DHPS: variants seen among roughly 807,000 people sequenced by gnomAD.
DHPS encodes the protein migration-inducing gene 13.
Under a neutral mutation model 38.7 loss-of-function variants are expected in DHPS, and 24 were observed. The ratio of observed to expected loss-of-function variants is 0.62; its 90% CI spans 0.45 to 0.87. The LOEUF (loss-of-function observed/expected upper bound fraction) is 0.87, where lower values mean the gene tolerates loss of function less well. Ranked by LOEUF, DHPS falls within the 40% of genes least tolerant of loss-of-function variation. The pLI is 0.00. For missense variants in DHPS, 510 were observed against 497.6 expected, an observed-to-expected ratio of 1.02 and a Z score of -0.24; for synonymous variants, 250 against 204.4, an observed-to-expected ratio of 1.22 and a Z score of -1.90.
At chr19:12,678,540 C>T (rs932482382) in intron 5 of DHPS, among the ~76,000 whole-genome samples, 8 of 151,360 alleles carry the variant, frequency 5.3e-5, no homozygotes, top group East Asian at 2.0e-4. Flanking sequence ...GAGGCCAAGG[C>T]GGGTGGATCA....
chr19:12,677,284 G>A lies in DHPS; in HGVS notation c.784+7C>T, dbSNP rs376157066. Reference sequence around the variant, plus strand: ...TTCCCCTCTCCTCTGTGGCCCTAGCGCCTCACCCTCAACGATGTCCAGGAC... The same window carrying A: ...TTCCCCTCTCCTCTGTGGCCCTAGCACCTCACCCTCAACGATGTCCAGGAC... On this transcript the variant is annotated splice_region_variant and intron_variant, in intron 6 of 8. Transcript: ENST00000210060. The A allele has an allele frequency of 1.7e-5, 27 of 1,613,940 alleles. No individual in the cohort carries two copies. The highest frequency in any genetic ancestry group is 1.6e-4 in the Middle Eastern group (1 of 6,084).
chr19:12,672,952 T>TG (rs969336010), downstream of DHPS: 3 of 1,595,350 alleles, frequency 1.9e-6, no homozygotes, highest in Non-Finnish European at 2.6e-6. Context: ...GCAGGGAAGA[T>TG]GGGGGGCCAA....
chr19:12,681,631 G>C lies in DHPS; in HGVS notation c.136C>G (p.Leu46Val). The C allele has an allele frequency of 3.1e-6, 5 of 1,614,192 alleles. No individual in the cohort carries two copies. Among genetic ancestry groups the C allele is most frequent in the Non-Finnish European group, 4.2e-6 (5 of 1,180,038 alleles). ...AAGCCGGTGGTGCCGAAGGCCTCCAGCAGTGCGCGGTAATTCACACCGCGG... is the reference window on the plus strand; with the variant it reads ...AAGCCGGTGGTGCCGAAGGCCTCCACCAGTGCGCGGTAATTCACACCGCGG... ...FNRGVNYRALLEAFGTTGFQA... is the reference protein window; with the variant it reads ...FNRGVNYRALVEAFGTTGFQA... The change falls in exon 1 of 9, where the codon CTG (leucine) becomes GTG (valine). Residue 46 changes from leucine to valine, a missense_variant. Transcript: ENST00000210060.
Position 12,677,228 on chromosome 19 carries a change from G to T in DHPS, c.785-17C>A, listed in dbSNP as rs745985350. 1 of 1,614,094 alleles carries T rather than the reference G, an allele frequency of 6.2e-7. No homozygotes were observed. Among genetic ancestry groups the T allele is most frequent in the South Asian group, 1.1e-5 (1 of 91,074 alleles). ...GCCTCAGGTCTGGGGGAAGAGCGCC[G>T]AAGTCAGGCCTTGGACTCAGCCAGC... is the stretch of plus-strand genomic sequence containing the variant. On this transcript the variant is annotated splice_polypyrimidine_tract_variant and intron_variant, in intron 6 of 8. Transcript: ENST00000210060.
chr19:12,673,177 G>GC (rs1367974578), downstream of DHPS: 3 of 1,613,336 alleles, frequency 1.9e-6, no homozygotes, highest in Non-Finnish European at 2.5e-6. Flanking sequence ...AGAGGACCAA[G>GC]CCCCCCGATC....
downstream of DHPS, among the ~76,000 whole-genome samples, chr19:12,675,045 C>T (rs1211475961): frequency 2.6e-5 from 4 of 151,546 alleles, no homozygotes; most frequent in Non-Finnish European, 5.9e-5. Context: ...ACTAGGGAGT[C>T]GGAGGTTGCA....
At chr19:12,673,414 T>A, downstream of DHPS, 23 of 472,618 alleles carry the variant, frequency 4.9e-5, no homozygotes, top group Non-Finnish European at 6.0e-5. Flanking sequence ...TAGGATCTTT[T>A]TTTTTTTTTT....
Position 12,680,327 on chromosome 19 carries a change from TGTGA to T in DHPS, c.208-6_208-3del, listed in dbSNP as rs753227915. On this transcript the variant is annotated splice_polypyrimidine_tract_variant and splice_region_variant and intron_variant, in intron 1 of 8. Transcript: ENST00000210060. ...CAGTGGTTCCAGCTTCTTCTCGATC[TGTGA>T]GTAAGGGCCAAGTCAAGTTAAGCAC... 1.2e-6 allele frequency: 2 copies of T among 1,614,014 alleles called. No homozygotes were observed. The highest frequency in any genetic ancestry group is 1.3e-5 in the African/African-American group (1 of 74,902).
downstream of DHPS, among the ~76,000 whole-genome samples, chr19:12,674,076 C>T (rs1281409693): frequency 1.3e-5 from 2 of 152,208 alleles, no homozygotes; most frequent in East Asian, 1.9e-4. Flanking sequence ...GTAGCCTGCG[C>T]ATGCATCAGT....
At chr19:12,673,196 C>T (rs770446643), downstream of DHPS, 5 of 1,614,026 alleles carry the variant, frequency 3.1e-6, no homozygotes, top group South Asian at 5.5e-5. Context: ...TCCTGTCCAC[C>T]CTTAGGTACA....
intron 5 of DHPS, 24 bp from the exon 6 acceptor site, chr19:12,677,420 T>G: frequency 6.2e-7 from 1 of 1,601,260 alleles, no homozygotes. Flanking sequence ...GACAGGACAG[T>G]GGCTGGAGCT....
downstream of DHPS, among the ~76,000 whole-genome samples, chr19:12,674,910 T>G (rs534045632): frequency 1.4e-5 from 2 of 147,396 alleles, no homozygotes; most frequent in African/African-American, 2.5e-5. Flanking sequence ...GGTCAGGAGA[T>G]AGAGATCATC....
At chr19:12,676,986 G>A in intron 7 of DHPS, 122 bp downstream of exon 7, 1 of 858,602 alleles carries the variant, frequency 1.2e-6, no homozygotes, top group Admixed American at 2.1e-5. Flanking sequence ...TCCCCTACTA[G>A]AACATCAGTC....
At chr19:12,678,880 G>T (rs1281010379) in intron 5 of DHPS, among the ~76,000 whole-genome samples, 1 of 148,874 alleles carries the variant, frequency 6.7e-6, no homozygotes, top group Non-Finnish European at 1.5e-5. Context: ...ATCTGGGAGT[G>T]TGGGACCCTG....
chr19:12,679,745 C>T, intron 3 of DHPS, 26 bp from the exon 4 acceptor site: 1 of 1,614,180 alleles, frequency 6.2e-7, no homozygotes, highest in Middle Eastern at 1.6e-4. Flanking sequence ...ATGTAGGCAT[C>T]AGGCCCCAGG....
At chr19:12,672,809 G>A (rs1450242079), downstream of DHPS, 11 of 1,552,940 alleles carry the variant, frequency 7.1e-6, no homozygotes, top group Non-Finnish European at 8.7e-6. Context: ...CCATGTGAGT[G>A]TAGTCAAGGT....
intron 5 of DHPS, 128 bp from the exon 6 acceptor site, chr19:12,677,524 A>AGATGT: frequency 1.4e-6 from 1 of 724,176 alleles, no homozygotes; most frequent in Non-Finnish European, 2.3e-6. Flanking sequence ...TAAGCATAAC[A>AGATGT]GAAACACCTC....
intron 1 of DHPS, chr19:12,681,133 G>A: frequency 1.6e-6 from 2 of 1,277,194 alleles, no homozygotes; most frequent in Non-Finnish European, 2.0e-6. Flanking sequence ...CGCCCAGCCA[G>A]CCCCCACCCT....
chr19:12,676,235 G>T, intron 7 of DHPS, 93 bp from the exon 8 acceptor site: 1 of 1,434,504 alleles, frequency 7.0e-7, no homozygotes, highest in Non-Finnish European at 9.3e-7. Context: ...GCTGAGAGGT[G>T]TGTCCCAGAT....
Sources: gnomAD v4.1 joint callset for allele counts (sites outside exome capture counted in the v4.1 genomes callset) on GRCh38, gnomAD v4.1.1 for gene constraint, MANE v1.5 for transcripts, NCBI Gene and HGNC (gene_info 2026-07-23, HGNC 2026-07-21) for gene names.